The following TESC variants were observed in gnomAD, a reference collection of about 807,000 sequenced individuals.
The protein encoded by TESC is tescalcin.
In TESC, 19 loss-of-function variants were observed where a neutral mutation model predicts 31.0. The observed-to-expected ratio is 0.61, with a 90% CI of 0.43 to 0.90. The LOEUF is 0.90. Among genes scored for constraint, TESC ranks in the 40% least tolerant of loss-of-function variants. The pLI, the probability that TESC is intolerant of heterozygous loss-of-function variation, is 0.00. For missense variants in TESC, 248 were observed against 303.8 expected (o/e 0.82, Z 1.36); for synonymous variants, 109 against 114.8 (o/e 0.95, Z 0.32).
At chr12:117,054,030 A>C (rs536848091) in intron 3 of TESC, 1 of 152,242 alleles carries the variant, frequency 6.6e-6, no homozygotes, top group African/African-American at 2.4e-5. Context: ...CTTCACAGTC[A>C]CTTAAGCTCC....
At chr12:117,042,159 C>T (rs969777935) in intron 6 of TESC, among the ~76,000 whole-genome samples, 165 bp from the exon 7 acceptor site, 6 of 152,326 alleles carry the variant, frequency 3.9e-5, no homozygotes, top group Non-Finnish European at 8.8e-5. Context: ...GATCGTCTGC[C>T]TCCAGCATGG....
chr12:117,095,937 A>G (rs1254177295), intron 1 of TESC, among the ~76,000 whole-genome samples: 8 of 152,086 alleles, frequency 5.3e-5, no homozygotes, highest in Non-Finnish European at 7.4e-5. Context: ...GGATCCCATG[A>G]TCTCCAACTC....
At chr12:117,089,918 T>C (rs150728236) in intron 1 of TESC, among the ~76,000 whole-genome samples, 250 of 152,010 alleles carry the variant, frequency 1.6e-3, no homozygotes, top group African/African-American at 5.7e-3. Flanking sequence ...CACCCAGACA[T>C]AGCATGTACA....
chr12:117,056,810 T>C lies in TESC; in HGVS notation c.205A>G (p.Asn69Asp). Reference protein sequence around the residue: ...RSKIVRAFFDNRNLRKGPSGL... With the variant: ...RSKIVRAFFDDRNLRKGPSGL... Reference sequence around the variant, plus strand: ...GGTTCAGGGGAAAACGCCCACCTGTTGTCGAAGAAGGCACGAACAATTTTG... The same window carrying C: ...GGTTCAGGGGAAAACGCCCACCTGTCGTCGAAGAAGGCACGAACAATTTTG... The change falls in exon 3 of 8, where the codon AAC (asparagine) becomes GAC (aspartate). Residue 69 changes from asparagine to aspartate, a missense_variant. Coordinates refer to ENST00000335209, the MANE Select transcript of TESC (RefSeq NM_017899.4). 1 of 1,614,130 alleles carries C rather than the reference T, an allele frequency of 6.2e-7. No homozygotes were observed. Among genetic ancestry groups the C allele is most frequent in the Non-Finnish European group, 8.5e-7 (1 of 1,180,008 alleles).
At chr12:117,069,581 A>G (rs945704894) in intron 2 of TESC, among the ~76,000 whole-genome samples, 3 of 152,132 alleles carry the variant, frequency 2.0e-5, no homozygotes, top group African/African-American at 7.2e-5. Flanking sequence ...CTGTGTAAAG[A>G]ACCCACGCAA....
intron 2 of TESC, among the ~76,000 whole-genome samples, chr12:117,070,518 A>G (rs1439040266): frequency 6.6e-6 from 1 of 152,046 alleles, no homozygotes; most frequent in African/African-American, 2.4e-5. Flanking sequence ...GGAATTATAA[A>G]CGCACCTCCC....
chr12:117,057,933 A>G (rs1273642681), intron 2 of TESC, among the ~76,000 whole-genome samples: 1 of 152,130 alleles, frequency 6.6e-6, no homozygotes, highest in Non-Finnish European at 1.5e-5. Flanking sequence ...CATGATGCTA[A>G]GTGAGCCCGG....
In TESC at chr12:117,089,825, T is replaced by G. The variant is rs115919388; in HGVS notation, c.58+9400A>C. Among the ~76,000 whole-genome samples, 105 of 152,100 alleles carry G rather than the reference T, an allele frequency of 6.9e-4. 1 individual carries two copies. Among genetic ancestry groups the G allele is most frequent in the African/African-American group, 2.4e-3 (99 of 41,502 alleles). On this transcript the variant is annotated intron_variant, in intron 1 of 7. Transcript: ENST00000335209. ...AGAAGATAAAGAGAAAGGGGAGAGA[T>G]AATATTTTCATAATGGAAGATATGA...
chr12:117,092,190 T>C (rs1237522965), intron 1 of TESC, among the ~76,000 whole-genome samples: 1 of 151,984 alleles, frequency 6.6e-6, no homozygotes, highest in Non-Finnish European at 1.5e-5. Context: ...GCTGGCTGCG[T>C]TTTTTAAGGA....
intron 2 of TESC, among the ~76,000 whole-genome samples, chr12:117,067,159 T>C (rs1038442699): frequency 6.6e-6 from 1 of 152,148 alleles, no homozygotes; most frequent in African/African-American, 2.4e-5. Flanking sequence ...TAGCTGAGGC[T>C]TTTAAAGGGA....
At chr12:117,053,899 C>G (rs1417916413) in intron 3 of TESC, 1 of 152,296 alleles carries the variant, frequency 6.6e-6, no homozygotes, top group African/African-American at 2.4e-5. Context: ...TCTGGCTCAT[C>G]TGGGGACTGG....
intron 1 of TESC, among the ~76,000 whole-genome samples, chr12:117,097,742 T>TC (rs1196941131): frequency 2.6e-5 from 4 of 151,804 alleles, no homozygotes; most frequent in Admixed American, 6.6e-5. Flanking sequence ...TCCCTTCCAC[T>TC]CCCCCCGCAA....
chr12:117,090,824 G>C (rs1347101705), intron 1 of TESC, among the ~76,000 whole-genome samples: 4 of 152,188 alleles, frequency 2.6e-5, no homozygotes, highest in African/African-American at 7.2e-5. Flanking sequence ...TGATCATTGG[G>C]ATTCTGGCAC....
rs778676980 is a variant in TESC at position 117,048,809 on chromosome 12, A to G, written c.349+210T>C. ...CCCCTTCTAGTCCCAGGAAGCCACA[A>G]GCTGCTGAGGAATGTTTAGGATGAA... On this transcript the variant is annotated intron_variant, in intron 4 of 7. Transcript: ENST00000335209. 3.9e-6 allele frequency: 3 copies of G among 769,852 alleles called. No homozygotes were observed. The South Asian group carries it at 4.4e-5, about 11-fold the overall frequency. 47.7% of individuals were successfully genotyped at this position (769,852 alleles called of 1,614,324 possible).
Position 117,039,030 on chromosome 12 carries a change from C to A in TESC, c.*103G>T. 7.7e-7 allele frequency: 1 copy of A among 1,304,094 alleles called. No homozygotes were observed. The highest frequency in any genetic ancestry group is 2.0e-4 in the Middle Eastern group (1 of 5,056). The allele number at this position is 1,304,094 out of a possible 1,614,324, so 80.8% of individuals were successfully genotyped here. ...GCGCAGACGAGCCTTGGCTATGTAC[C>A]GGCGCTGCAGGAAGAGGCTGTCCGC... On this transcript the variant is annotated 3_prime_UTR_variant, in exon 8 of 8. Coordinates refer to ENST00000335209, the MANE Select transcript of TESC (RefSeq NM_017899.4).
chr12:117,039,278 G>A, intron 7 of TESC, 68 bp from the exon 8 acceptor site: 2 of 1,480,242 alleles, frequency 1.4e-6, no homozygotes, highest in Non-Finnish European at 1.9e-6. Flanking sequence ...AGGCCCCCCG[G>A]TCCTCGGCCC....
At chr12:117,048,961 T>G in intron 4 of TESC, 58 bp downstream of exon 4, 1 of 1,611,778 alleles carries the variant, frequency 6.2e-7, no homozygotes, top group African/African-American at 1.3e-5. Flanking sequence ...CGTTCTGAGG[T>G]CTTAGGGGAG....
At chr12:117,099,027 T>C (rs1432072023) in intron 1 of TESC, among the ~76,000 whole-genome samples, 198 bp downstream of exon 1, 1 of 152,054 alleles carries the variant, frequency 6.6e-6, no homozygotes, top group Non-Finnish European at 1.5e-5. Flanking sequence ...GCTGCGGCAC[T>C]GAGCATCGCC....
At chr12:117,075,833 T>G in intron 1 of TESC, among the ~76,000 whole-genome samples, 1 of 120,060 alleles carries the variant, frequency 8.3e-6, no homozygotes. Context: ...CCCGGCTAAT[T>G]TTCGTGTGTG....
Sources: allele counts gnomAD v4.1 joint callset (sites outside exome capture counted in the v4.1 genomes callset), GRCh38; gene constraint gnomAD v4.1.1; transcripts MANE v1.5; gene names NCBI Gene and HGNC (gene_info 2026-07-23, HGNC 2026-07-21).